MAGI2: variants seen among roughly 807,000 people sequenced by gnomAD.
MAGI2 encodes the protein membrane associated guanylate kinase, WW and PDZ domain containing 2.
MAGI2 carries 35 observed loss-of-function variants against 133.3 expected under a neutral mutation model. The observed-to-expected ratio is 0.26, with a 90% CI of 0.20 to 0.35. The LOEUF (loss-of-function observed/expected upper bound fraction) is 0.35, where lower values mean the gene tolerates loss of function less well. MAGI2 is among the 10% of genes least tolerant of loss of function. The pLI is 1.00. For missense variants in MAGI2, 1,636 were observed against 1,863.4 expected, an observed-to-expected ratio of 0.88 and a Z score of 2.25; for synonymous variants, 729 against 710.6, an observed-to-expected ratio of 1.03 and a Z score of -0.41.
chr7:78,560,518 T>G (rs954409457), intron 3 of MAGI2, among the ~76,000 whole-genome samples: 2 of 152,234 alleles, frequency 1.3e-5, no homozygotes, highest in Non-Finnish European at 2.9e-5. Flanking sequence ...TAATTTATGA[T>G]GTAAACGTTA....
intron 1 of MAGI2, among the ~76,000 whole-genome samples, chr7:79,127,378 G>A (rs1820519213): frequency 6.6e-6 from 1 of 152,028 alleles, no homozygotes; most frequent in Non-Finnish European, 1.5e-5. Flanking sequence ...TCGCCACACT[G>A]ACTTCCACAA....
chr7:79,266,611 C>T lies in MAGI2; in HGVS notation c.301+186409G>A, dbSNP rs912638458. Among the ~76,000 whole-genome samples the T allele has an allele frequency of 3.3e-5, 5 of 152,250 alleles. No homozygotes were observed. The East Asian group carries it at 9.7e-4, about 30-fold the overall frequency. ...AAGAAAAGTCTTTTCTCTGGCTTAA[C>T]CCATTGCCGTCCATCATTAGAGAAG... On this transcript the variant is annotated intron_variant, in intron 1 of 21. Transcript: ENST00000354212.
chr7:78,329,298 T>A (rs1405367104), intron 9 of MAGI2, among the ~76,000 whole-genome samples: 1 of 152,214 alleles, frequency 6.6e-6, no homozygotes, highest in Admixed American at 6.5e-5. Context: ...ATCACACTTA[T>A]AAACAAAGGT....
intron 16 of MAGI2, among the ~76,000 whole-genome samples, chr7:78,137,952 A>G (rs1274506807): frequency 6.6e-6 from 1 of 152,144 alleles, no homozygotes; most frequent in Non-Finnish European, 1.5e-5. Flanking sequence ...ATATATATGT[A>G]TATATATGTT....
chr7:78,231,264 A>G (rs1298734315), intron 10 of MAGI2, among the ~76,000 whole-genome samples: 1 of 152,202 alleles, frequency 6.6e-6, no homozygotes, highest in Non-Finnish European at 1.5e-5. Flanking sequence ...TGAGGCAACA[A>G]GACTAGAGAA....
chr7:79,010,362 A>G (rs532236805), intron 1 of MAGI2, among the ~76,000 whole-genome samples: 1 of 152,238 alleles, frequency 6.6e-6, no homozygotes, highest in African/African-American at 2.4e-5. Context: ...AGAGGAATTA[A>G]ACAACAGACA....
At chr7:78,138,122 A>T (rs1048386340) in intron 16 of MAGI2, among the ~76,000 whole-genome samples, 4 of 152,226 alleles carry the variant, frequency 2.6e-5, no homozygotes, top group Non-Finnish European at 4.4e-5. Context: ...CTTTGCTGTT[A>T]TTATAGCCAC....
At chr7:78,443,635 C>T (rs1231967390) in intron 6 of MAGI2, among the ~76,000 whole-genome samples, 1 of 151,936 alleles carries the variant, frequency 6.6e-6, no homozygotes, top group African/African-American at 2.4e-5. Flanking sequence ...TTTCTCTTTT[C>T]TAGAGGAAAA....
At chr7:78,806,113 T>C (rs1388018634) in intron 2 of MAGI2, among the ~76,000 whole-genome samples, 3 of 152,218 alleles carry the variant, frequency 2.0e-5, no homozygotes, top group Non-Finnish European at 4.4e-5. Context: ...AAGTCAATAG[T>C]ACACTTTGAC....
At chr7:79,055,461 A>G (rs780750153) in intron 1 of MAGI2, among the ~76,000 whole-genome samples, 2 of 152,232 alleles carry the variant, frequency 1.3e-5, no homozygotes, top group Non-Finnish European at 1.5e-5. Flanking sequence ...AAGTACGTGC[A>G]TGTGCAAAGC....
chr7:78,224,376 CT>C (rs908423642), intron 10 of MAGI2, among the ~76,000 whole-genome samples: 1 of 152,152 alleles, frequency 6.6e-6, no homozygotes, highest in South Asian at 2.1e-4. Flanking sequence ...TATAAGTGCT[CT>C]TTTTTTGACC....
intron 6 of MAGI2, among the ~76,000 whole-genome samples, chr7:78,375,659 A>G (rs11767987): frequency 0.82 from 124,236 of 152,068 alleles, 50,871 homozygotes; most frequent in Admixed American, 0.85. Flanking sequence ...AGGAACATAA[A>G]AAATTCCCAT....
intron 2 of MAGI2, among the ~76,000 whole-genome samples, chr7:78,790,150 T>C (rs182701154): frequency 7.5e-4 from 114 of 152,214 alleles, no homozygotes; most frequent in South Asian, 2.9e-3. Context: ...ATTATCACTT[T>C]AGGAAATTAG....
intron 2 of MAGI2, among the ~76,000 whole-genome samples, chr7:78,699,309 C>T (rs1011046699): frequency 2.6e-5 from 4 of 152,156 alleles, no homozygotes; most frequent in African/African-American, 9.7e-5. Context: ...CTGTATTACC[C>T]AAGCTGGTCT....
intron 1 of MAGI2, among the ~76,000 whole-genome samples, chr7:79,259,116 ATC>A (rs1203450596): frequency 1.3e-5 from 2 of 152,208 alleles, no homozygotes; most frequent in Non-Finnish European, 2.9e-5. Flanking sequence ...CAAACTTTGA[ATC>A]TCTTTCAGTG....
At chr7:79,195,228 A>G (rs1827980371) in intron 1 of MAGI2, among the ~76,000 whole-genome samples, 1 of 152,022 alleles carries the variant, frequency 6.6e-6, no homozygotes, top group African/African-American at 2.4e-5. Context: ...AGCAGACATC[A>G]CTGACTAATG....
intron 1 of MAGI2, among the ~76,000 whole-genome samples, chr7:79,393,368 A>G (rs1225990363): frequency 6.6e-6 from 1 of 152,126 alleles, no homozygotes; most frequent in African/African-American, 2.4e-5. Context: ...TTGATTTTTT[A>G]TTTCTCTACT....
At chr7:79,269,657 T>C (rs1834733028) in intron 1 of MAGI2, among the ~76,000 whole-genome samples, 1 of 152,170 alleles carries the variant, frequency 6.6e-6, no homozygotes, top group Non-Finnish European at 1.5e-5. Context: ...CTTTGCAAAA[T>C]TATAACAGCA....
intron 2 of MAGI2, among the ~76,000 whole-genome samples, chr7:78,701,720 C>T (rs993685012): frequency 1.3e-5 from 2 of 151,888 alleles, no homozygotes; most frequent in African/African-American, 4.8e-5. Flanking sequence ...CTGGCCTTGG[C>T]CTCATACGGG....
Sources: allele counts gnomAD v4.1 joint callset (sites outside exome capture counted in the v4.1 genomes callset), GRCh38; gene constraint gnomAD v4.1.1; transcripts MANE v1.5; gene names NCBI Gene and HGNC (gene_info 2026-07-23, HGNC 2026-07-21).